Variants in SLC30A6 observed in about 807,000 individuals in gnomAD.
The protein encoded by SLC30A6 is solute carrier family 30 member 6.
In SLC30A6, 55 loss-of-function variants were observed where a neutral mutation model predicts 63.0. The observed-to-expected ratio is 0.87, with a 90% CI of 0.70 to 1.09. The LOEUF (loss-of-function observed/expected upper bound fraction) is 1.09. Ranked by LOEUF, SLC30A6 falls within the 50% of genes least tolerant of loss-of-function variation. SLC30A6 has a pLI of 0.00. For synonymous variants in SLC30A6, 224 were observed against 186.1 expected, an observed-to-expected ratio of 1.20 and a Z score of -1.66; for missense variants, 587 against 549.2, an observed-to-expected ratio of 1.07 and a Z score of -0.69.
At chr2:32,195,233 G>A (rs1196658585) in intron 8 of SLC30A6, among the ~76,000 whole-genome samples, 2 of 151,582 alleles carry the variant, frequency 1.3e-5, no homozygotes, top group African/African-American at 4.8e-5. Flanking sequence ...ATGCCTGGCT[G>A]ATTTTTGTAT....
intron 4 of SLC30A6, among the ~76,000 whole-genome samples, chr2:32,175,836 G>C (rs1322520449): frequency 6.6e-6 from 1 of 152,100 alleles, no homozygotes; most frequent in Non-Finnish European, 1.5e-5. Flanking sequence ...AGCCAGGCAT[G>C]GTGGTGTATG....
At chr2:32,177,848 C>T (rs866939143) in intron 4 of SLC30A6, among the ~76,000 whole-genome samples, 5 of 151,072 alleles carry the variant, frequency 3.3e-5, no homozygotes, top group South Asian at 2.1e-4. Context: ...AGGCTGGTCT[C>T]GAACTCCCAA....
rs1183602447 is a variant in SLC30A6 at position 32,221,423 on chromosome 2, G to GT, written c.*711dup. ...GATCCACCCACCTTAGCCTCCCAAAGTGCTGGGATTAGGTGTGAGCCACCG... is the reference window on the plus strand; with the variant it reads ...GATCCACCCACCTTAGCCTCCCAAAGTTGCTGGGATTAGGTGTGAGCCACCG... On this transcript the variant is annotated 3_prime_UTR_variant, in exon 14 of 14. Coordinates refer to ENST00000282587, the MANE Select transcript of SLC30A6 (RefSeq NM_017964.5). 6.6e-6 allele frequency: 1 copy of GT among 152,188 alleles called. No individual in the cohort carries two copies. Among genetic ancestry groups the GT allele is most frequent in the African/African-American group, 2.4e-5 (1 of 41,432 alleles). 9.4% of individuals were successfully genotyped at this position (152,188 alleles called of 1,614,324 possible).
At chr2:32,182,256 G>A (rs1682395899) in intron 4 of SLC30A6, among the ~76,000 whole-genome samples, 1 of 152,034 alleles carries the variant, frequency 6.6e-6, no homozygotes. Flanking sequence ...ATTTCTGACT[G>A]CAGAAACTCA....
At chr2:32,195,288 A>G (rs1216959661) in intron 8 of SLC30A6, among the ~76,000 whole-genome samples, 2 of 151,402 alleles carry the variant, frequency 1.3e-5, no homozygotes, top group Non-Finnish European at 2.9e-5. Flanking sequence ...GGCTGGTCTC[A>G]CTCCTGACCT....
intron 4 of SLC30A6, among the ~76,000 whole-genome samples, chr2:32,182,125 G>A (rs751932126): frequency 2.6e-5 from 4 of 151,452 alleles, no homozygotes; most frequent in Non-Finnish European, 5.9e-5. Flanking sequence ...TGTGGTGATG[G>A]GGTCTCGACA....
intron 13 of SLC30A6, among the ~76,000 whole-genome samples, chr2:32,217,318 A>G (rs1674548502): frequency 6.6e-6 from 1 of 152,178 alleles, no homozygotes; most frequent in South Asian, 2.1e-4. Context: ...CATTTATTGA[A>G]TAGGTAGTCC....
chr2:32,179,005 T>C (rs1009076391), intron 4 of SLC30A6, among the ~76,000 whole-genome samples: 2 of 152,152 alleles, frequency 1.3e-5, no homozygotes, highest in African/African-American at 4.8e-5. Context: ...TACCACAGGC[T>C]TGTGCCACCA....
chr2:32,201,109 C>T (rs1242171885), intron 10 of SLC30A6, among the ~76,000 whole-genome samples: 1 of 152,176 alleles, frequency 6.6e-6, no homozygotes, highest in African/African-American at 2.4e-5. Flanking sequence ...TTTGTGCGGC[C>T]ATGGTACTCT....
intron 13 of SLC30A6, among the ~76,000 whole-genome samples, chr2:32,216,405 G>A (rs770483983): frequency 6.6e-6 from 1 of 151,938 alleles, no homozygotes; most frequent in Admixed American, 6.6e-5. Flanking sequence ...GCATGGTGGC[G>A]TGGGCCTATA....
intron 4 of SLC30A6, among the ~76,000 whole-genome samples, chr2:32,178,390 C>T (rs1176939232): frequency 6.6e-6 from 1 of 151,942 alleles, no homozygotes; most frequent in South Asian, 2.1e-4. Flanking sequence ...AACCAGTTCA[C>T]GGGCCAAGTG....
chr2:32,213,696 GT>G (rs1685449454), intron 13 of SLC30A6, among the ~76,000 whole-genome samples: 1 of 149,948 alleles, frequency 6.7e-6, no homozygotes, highest in Admixed American at 6.7e-5. Context: ...AGTTTTCTTA[GT>G]TTTACATTAT....
intron 13 of SLC30A6, among the ~76,000 whole-genome samples, chr2:32,215,530 T>C (rs1685629471): frequency 1.4e-5 from 2 of 145,956 alleles, no homozygotes; most frequent in South Asian, 4.2e-4. Flanking sequence ...TTTTTTTTTT[T>C]TTAAGTTCTT....
intron 13 of SLC30A6, among the ~76,000 whole-genome samples, chr2:32,216,192 C>G (rs1323285877): frequency 6.6e-6 from 1 of 152,146 alleles, no homozygotes; most frequent in Non-Finnish European, 1.5e-5. Flanking sequence ...TATAAACACT[C>G]CCTTTTCTCT....
At chr2:32,214,283 T>C (rs1685517485) in intron 13 of SLC30A6, among the ~76,000 whole-genome samples, 1 of 152,154 alleles carries the variant, frequency 6.6e-6, no homozygotes, top group Admixed American at 6.6e-5. Context: ...CCATGATTAT[T>C]TCTTAAGATT....
At chr2:32,187,027 A>T in intron 5 of SLC30A6, 1 of 363,612 alleles carries the variant, frequency 2.8e-6, no homozygotes, top group Non-Finnish European at 5.4e-6. Context: ...AAAGAAAAAG[A>T]AAAATGAGTT....
intron 1 of SLC30A6, 105 bp from the exon 2 acceptor site, chr2:32,171,182 A>C (rs1681167565): frequency 1.2e-6 from 1 of 830,874 alleles, no homozygotes; most frequent in African/African-American, 1.7e-5. Flanking sequence ...TTGAGTACTT[A>C]ATAAATATTG....
intron 13 of SLC30A6, among the ~76,000 whole-genome samples, chr2:32,219,075 C>T (rs1026719031): frequency 2.0e-5 from 3 of 152,142 alleles, no homozygotes; most frequent in African/African-American, 4.8e-5. Flanking sequence ...CTTCTCTTCC[C>T]ATGCTGGGAG....
chr2:32,210,515 C>CAAAAAAAAA (rs3040860), intron 13 of SLC30A6, among the ~76,000 whole-genome samples: 2 of 89,216 alleles, frequency 2.2e-5, no homozygotes, highest in African/African-American at 9.0e-5. Flanking sequence ...ACTCTGTCTC[C>CAAAAAAAAA]AAAAAAAAAA....
Sources: allele counts gnomAD v4.1 joint callset (sites outside exome capture counted in the v4.1 genomes callset), GRCh38; gene constraint gnomAD v4.1.1; transcripts MANE v1.5; gene names NCBI Gene and HGNC (gene_info 2026-07-23, HGNC 2026-07-21).